The following SCHIP1 variants were observed in gnomAD, a reference collection of about 807,000 sequenced individuals.
SCHIP1 encodes the protein schwannomin-interacting protein 1.
In SCHIP1, 8 loss-of-function variants were observed where a neutral mutation model predicts 29.7. That is an observed-to-expected ratio of 0.27 (90% confidence interval 0.16 to 0.49). The LOEUF (loss-of-function observed/expected upper bound fraction) is 0.49, where lower values mean the gene tolerates loss of function less well. SCHIP1 is among the 20% of genes least tolerant of loss of function. The pLI is 0.99. For synonymous variants in SCHIP1, 76 were observed against 94.9 expected, an observed-to-expected ratio of 0.80 and a Z score of 1.16; for missense variants, 193 against 294.6, an observed-to-expected ratio of 0.66 and a Z score of 2.52.
At chr3:159,572,204 T>C in the SCHIP1 span, among the ~76,000 whole-genome samples, 1 of 152,200 alleles carries the variant, frequency 6.6e-6, no homozygotes, top group East Asian at 1.9e-4. Context: ...TCCTTTTAAT[T>C]GTGATGTTAT....
the SCHIP1 span, among the ~76,000 whole-genome samples, chr3:159,532,292 G>A: frequency 1.3e-5 from 2 of 152,036 alleles, no homozygotes; most frequent in South Asian, 2.1e-4. Flanking sequence ...TTGCATACAA[G>A]TGAGTCTGAA....
the SCHIP1 span, among the ~76,000 whole-genome samples, chr3:159,662,160 C>G: frequency 4.0e-3 from 609 of 152,228 alleles, 6 homozygotes; most frequent in African/African-American, 0.012. Context: ...GGCTCATACC[C>G]CCGGCACTCT....
Position 159,840,027 on chromosome 3 carries a change from G to A in SCHIP1, c.-158G>A. On this transcript the variant is annotated 5_prime_UTR_variant, in exon 1 of 7. Transcript: ENST00000445224. The stretch of plus-strand genomic sequence containing the variant: ...GCTTCCCGGCACAGGCAGTGCCACT[G>A]CGCAGGTTGATCAGCGAAACAGCAT... The A allele has an allele frequency of 4.1e-6, 6 of 1,466,684 alleles. No homozygotes were observed. The Admixed American group carries it at 7.2e-5, about 18-fold the overall frequency. The allele number at this position is 1,466,684 out of a possible 1,614,324, so 90.9% of individuals were successfully genotyped here. A position where few individuals can be genotyped will look rare whatever the true frequency, so the allele number is the denominator to read the frequency against.
the SCHIP1 span, among the ~76,000 whole-genome samples, chr3:159,366,528 C>G: frequency 6.9e-6 from 1 of 145,734 alleles, no homozygotes; most frequent in Non-Finnish European, 1.5e-5. Flanking sequence ...GTTCCCTGAT[C>G]TGTAAAAATT....
the SCHIP1 span, among the ~76,000 whole-genome samples, chr3:159,647,077 A>T: frequency 6.6e-6 from 1 of 152,080 alleles, no homozygotes; most frequent in Non-Finnish European, 1.5e-5. Context: ...ATACATAAAG[A>T]GTGTTAAGGG....
At chr3:159,725,344 A>G in the SCHIP1 span, among the ~76,000 whole-genome samples, 1 of 148,282 alleles carries the variant, frequency 6.7e-6, no homozygotes, top group Admixed American at 6.9e-5. Context: ...ATCTCAGCTC[A>G]CTGCAACCTC....
At chr3:159,853,995 A>G (rs1240103881) in intron 1 of SCHIP1, among the ~76,000 whole-genome samples, 2 of 152,210 alleles carry the variant, frequency 1.3e-5, no homozygotes. Flanking sequence ...TGGTAATCAC[A>G]GGCCCGAGTA....
chr3:159,730,965 T>C, the SCHIP1 span, among the ~76,000 whole-genome samples: 1 of 152,146 alleles, frequency 6.6e-6, no homozygotes, highest in South Asian at 2.1e-4. Flanking sequence ...TTAATCAGAG[T>C]AGGAGGAATA....
chr3:159,444,498 A>T, the SCHIP1 span, among the ~76,000 whole-genome samples: 24 of 152,114 alleles, frequency 1.6e-4, 1 homozygote, highest in Admixed American at 1.6e-3. Context: ...GCACCTTAAA[A>T]AAAAAGTCAC....
At chr3:159,860,837 T>A (rs1713982496) in intron 1 of SCHIP1, among the ~76,000 whole-genome samples, 1 of 152,186 alleles carries the variant, frequency 6.6e-6, no homozygotes. Context: ...ATCCCCTGAT[T>A]CCCTAGGCCA....
chr3:159,631,187 T>C, the SCHIP1 span, among the ~76,000 whole-genome samples: 2 of 149,798 alleles, frequency 1.3e-5, no homozygotes, highest in Non-Finnish European at 3.0e-5. Context: ...ACCCAGAAAA[T>C]AACAAGTGTT....
At chr3:159,487,746 G>A in the SCHIP1 span, among the ~76,000 whole-genome samples, 2 of 152,242 alleles carry the variant, frequency 1.3e-5, no homozygotes, top group African/African-American at 2.4e-5. Context: ...TGCTACAGGG[G>A]ATCTTAAAGG....
chr3:159,338,707 G>A, the SCHIP1 span, among the ~76,000 whole-genome samples: 3 of 152,038 alleles, frequency 2.0e-5, no homozygotes, highest in African/African-American at 7.2e-5. Flanking sequence ...GGTACCCAGT[G>A]GAAACATGAA....
chr3:159,626,091 TAGATAGATAGATAG>T, the SCHIP1 span, among the ~76,000 whole-genome samples: 17 of 27,408 alleles, frequency 6.2e-4, 1 homozygote, highest in African/African-American at 1.3e-3. Context: ...GCAGCTTATA[TAGATAGATAGATAG>T]ATAGATAGAT....
the SCHIP1 span, among the ~76,000 whole-genome samples, chr3:159,336,295 G>A: frequency 6.6e-5 from 10 of 152,032 alleles, no homozygotes; most frequent in Admixed American, 3.3e-4. Context: ...TCTGTAGGTC[G>A]CCTGTTCACT....
At chr3:159,359,072 C>T in the SCHIP1 span, among the ~76,000 whole-genome samples, 1,891 of 151,586 alleles carry the variant, frequency 0.012, 22 homozygotes, top group South Asian at 0.033. Flanking sequence ...GGACTACAGG[C>T]GCACACCACC....
At chr3:159,572,525 C>G in the SCHIP1 span, among the ~76,000 whole-genome samples, 1 of 152,142 alleles carries the variant, frequency 6.6e-6, no homozygotes, top group African/African-American at 2.4e-5. Flanking sequence ...CTGAGGAATG[C>G]TTTACTTCCT....
the SCHIP1 span, among the ~76,000 whole-genome samples, chr3:159,824,687 T>C: frequency 1.3e-5 from 2 of 152,330 alleles, no homozygotes; most frequent in South Asian, 4.1e-4. Context: ...ATCACAGTAA[T>C]GATGCTGTAA....
chr3:159,823,293 G>A, the SCHIP1 span, among the ~76,000 whole-genome samples: 7 of 152,128 alleles, frequency 4.6e-5, no homozygotes, highest in East Asian at 5.8e-4. Context: ...AGCAATGGGC[G>A]GTAGGTGGTC....
Sources: allele counts gnomAD v4.1 joint callset (sites outside exome capture counted in the v4.1 genomes callset), GRCh38; gene constraint gnomAD v4.1.1; transcripts MANE v1.5; gene names NCBI Gene and HGNC (gene_info 2026-07-23, HGNC 2026-07-21).